CSMD3: variants seen among roughly 807,000 people sequenced by gnomAD.
CSMD3 encodes the protein CUB and Sushi multiple domains 3, also known as CUB and sushi domain-containing protein 3.
A neutral mutation model predicts 435.2 loss-of-function variants in CSMD3; 177 were observed. That is an observed-to-expected ratio of 0.41 (90% CI 0.36 to 0.46). The LOEUF (loss-of-function observed/expected upper bound fraction) is 0.46. Among genes scored for constraint, CSMD3 ranks in the 20% least tolerant of loss-of-function variants. The pLI, the probability that CSMD3 is intolerant of heterozygous loss-of-function variation, is 0.34. For synonymous variants in CSMD3, 1,656 were observed against 1,520.5 expected (o/e 1.09, Z -2.07); for missense variants, 4,265 against 4,504.6 (o/e 0.95, Z 1.52).
intron 12 of CSMD3, among the ~76,000 whole-genome samples, chr8:112,819,140 G>A (rs1049456039): frequency 1.3e-5 from 2 of 152,110 alleles, no homozygotes; most frequent in African/African-American, 4.8e-5. Context: ...GCATCCCTAG[G>A]TGCAATGAAA....
intron 12 of CSMD3, among the ~76,000 whole-genome samples, chr8:112,813,151 T>C (rs2079275808): frequency 6.6e-6 from 1 of 152,080 alleles, no homozygotes; most frequent in African/African-American, 2.4e-5. Context: ...GATAGAGACA[T>C]GGACCAAGAG....
chr8:112,348,914 A>G (rs1825905384), intron 40 of CSMD3, among the ~76,000 whole-genome samples: 1 of 152,122 alleles, frequency 6.6e-6, no homozygotes, highest in Admixed American at 6.6e-5. Context: ...ATTTTTTAAG[A>G]ATAATAATTG....
chr8:112,836,974 C>A (rs767558436), intron 11 of CSMD3, among the ~76,000 whole-genome samples: 6 of 151,742 alleles, frequency 4.0e-5, no homozygotes, highest in Non-Finnish European at 7.4e-5. Context: ...TCTACGTTAA[C>A]AAAGTAAACT....
intron 65 of CSMD3, among the ~76,000 whole-genome samples, chr8:112,244,177 A>G (rs959119776): frequency 9.9e-5 from 15 of 152,190 alleles, no homozygotes; most frequent in African/African-American, 3.4e-4. Flanking sequence ...GATAGAATTA[A>G]GGCAAGAAGT....
At chr8:113,320,813 A>C (rs2093944378) in intron 1 of CSMD3, among the ~76,000 whole-genome samples, 1 of 152,066 alleles carries the variant, frequency 6.6e-6, no homozygotes, top group East Asian at 1.9e-4. Flanking sequence ...CAGGCTTCTT[A>C]GCAACCACAG....
At chr8:113,161,768 G>T (rs2092044519) in intron 4 of CSMD3, among the ~76,000 whole-genome samples, 1 of 152,062 alleles carries the variant, frequency 6.6e-6, no homozygotes, top group Non-Finnish European at 1.5e-5. Flanking sequence ...TTTCCAAATT[G>T]TTCAAAATAT....
At chr8:113,069,603 G>C (rs2089014134) in intron 5 of CSMD3, among the ~76,000 whole-genome samples, 1 of 151,978 alleles carries the variant, frequency 6.6e-6, no homozygotes, top group African/African-American at 2.4e-5. Flanking sequence ...GTCCAGATGT[G>C]GGCAGTAATG....
intron 7 of CSMD3, among the ~76,000 whole-genome samples, chr8:112,967,135 C>T (rs2130891059): frequency 6.6e-6 from 1 of 151,174 alleles, no homozygotes; most frequent in South Asian, 2.1e-4. Flanking sequence ...GATTCATGTC[C>T]ACAATGAAAT....
intron 5 of CSMD3, among the ~76,000 whole-genome samples, chr8:113,082,137 C>G (rs1244031494): frequency 6.6e-6 from 1 of 152,094 alleles, no homozygotes; most frequent in Non-Finnish European, 1.5e-5. Flanking sequence ...CCAAGGACTG[C>G]TCTACCTAGG....
In CSMD3 at chr8:112,506,103, G is replaced by T. The variant is rs935840067; in HGVS notation, c.4895+588C>A. On this transcript the variant is annotated intron_variant, in intron 29 of 70. Transcript: ENST00000297405. ...CTGGCATAAAACTAAAATTATCATTGTTGTTGCTTTGGTATTACTAATTAG... is the reference window on the plus strand; with the variant it reads ...CTGGCATAAAACTAAAATTATCATTTTTGTTGCTTTGGTATTACTAATTAG... Among the ~76,000 whole-genome samples the T allele has an allele frequency of 2.0e-5, 3 of 151,906 alleles. No homozygotes were observed. The East Asian group carries it at 5.8e-4, about 29-fold the overall frequency.
intron 22 of CSMD3, among the ~76,000 whole-genome samples, chr8:112,624,109 CAAAGA>C (rs1276182716): frequency 1.3e-5 from 2 of 151,928 alleles, no homozygotes; most frequent in African/African-American, 2.4e-5. Context: ...CACCCATGCA[CAAAGA>C]AAAGAATAAT....
At chr8:112,708,241 A>G (rs1028903385) in intron 13 of CSMD3, among the ~76,000 whole-genome samples, 10 of 152,186 alleles carry the variant, frequency 6.6e-5, no homozygotes, top group East Asian at 3.9e-4. Flanking sequence ...AGTACAGAAG[A>G]AGAAGGAGGC....
At chr8:113,021,843 A>G (rs74594982) in intron 5 of CSMD3, among the ~76,000 whole-genome samples, 7,159 of 152,214 alleles carry the variant, frequency 0.047, 229 homozygotes, top group Non-Finnish European at 0.069. Context: ...GCAAATAATG[A>G]TAATTTAACA....
intron 38 of CSMD3, among the ~76,000 whole-genome samples, chr8:112,379,518 G>C (rs1829275123): frequency 6.6e-6 from 1 of 151,958 alleles, no homozygotes; most frequent in South Asian, 2.1e-4. Flanking sequence ...GACGAGAAAA[G>C]ATACAAAAGA....
At chr8:112,859,491 T>C (rs1033959678) in intron 10 of CSMD3, among the ~76,000 whole-genome samples, 2 of 151,930 alleles carry the variant, frequency 1.3e-5, no homozygotes, top group African/African-American at 4.8e-5. Context: ...TAGTTATGAA[T>C]AGAAATTTGA....
intron 6 of CSMD3, among the ~76,000 whole-genome samples, chr8:112,989,675 T>G (rs893481132): frequency 6.6e-6 from 1 of 151,984 alleles, no homozygotes; most frequent in African/African-American, 2.4e-5. Context: ...GGAGTCTATT[T>G]CCCACCCACT....
Position 112,304,889 on chromosome 8 carries a change from A to G in CSMD3, c.8098T>C (p.Phe2700Leu), listed in dbSNP as rs1279730037. ...CGCCATCTTCCATGTTCCAAGATAA[A>G]GGAATTGATGCTTGGACATGTAACA... Reference protein sequence around the residue: ...VVVTCPSINSFILEHGRWRIV... With the variant: ...VVVTCPSINSLILEHGRWRIV... Residue 2700 changes from phenylalanine to leucine, a missense_variant, in exon 52 of 71, where the codon TTT (phenylalanine) becomes CTT (leucine). By Grantham distance (22) the Phe-to-Leu change is conservative (BLOSUM62 0). Around this residue, in one of 3 missense-constraint regions of CSMD3, gnomAD observed 3,255 missense variants for 3,380.2 expected, o/e 0.96. Coordinates refer to ENST00000297405, the MANE Select transcript of CSMD3 (RefSeq NM_198123.2). 1.2e-6 allele frequency: 2 copies of G among 1,613,748 alleles called. No individual in the cohort carries two copies. Among genetic ancestry groups the G allele is most frequent in the East Asian group, 2.2e-5 (1 of 44,830 alleles).
At chr8:113,331,856 T>C (rs922444258) in intron 1 of CSMD3, among the ~76,000 whole-genome samples, 6 of 151,758 alleles carry the variant, frequency 4.0e-5, no homozygotes, top group Admixed American at 3.9e-4. Context: ...GCTTTTCCTC[T>C]AAGCTCAGGA....
At chr8:112,244,369 A>G in intron 65 of CSMD3, 25 bp downstream of exon 65, 2 of 1,594,698 alleles carry the variant, frequency 1.3e-6, no homozygotes, top group Non-Finnish European at 8.6e-7. Flanking sequence ...TCTTGTGTTA[A>G]AAAGATTCTA....
Sources: gnomAD v4.1 joint callset for allele counts (sites outside exome capture counted in the v4.1 genomes callset) on GRCh38, gnomAD v4.1.1 for gene constraint, gnomAD v4.1.1 regional missense constraint, MANE v1.5 for transcripts, NCBI Gene and HGNC (gene_info 2026-07-23, HGNC 2026-07-21) for gene names.